Variants in PSPC1 observed in about 807,000 individuals in gnomAD.
PSPC1 encodes the protein paraspeckle protein 1.
Under a neutral mutation model 51.6 loss-of-function variants are expected in PSPC1, and 14 were observed. The ratio of observed to expected loss-of-function variants is 0.27; its 90% confidence interval spans 0.18 to 0.42. The LOEUF (loss-of-function observed/expected upper bound fraction) is 0.42. Ranked by LOEUF, PSPC1 falls within the 10% of genes least tolerant of loss-of-function variation. PSPC1 has a pLI of 1.00. For missense variants in PSPC1, 406 were observed against 701.1 expected (o/e 0.58, Z 4.75); for synonymous variants, 193 against 231.9 (o/e 0.83, Z 1.53).
At chr13:19,772,594 T>A (rs749241049) in intron 1 of PSPC1, 51 bp from the exon 2 acceptor site, 24 of 1,525,908 alleles carry the variant, frequency 1.6e-5, no homozygotes, top group Non-Finnish European at 1.8e-5. Context: ...CAGAAAAAAT[T>A]CAAAACAGTG....
chr13:19,728,778 T>C (rs1262281907), intron 6 of PSPC1, among the ~76,000 whole-genome samples: 1 of 152,108 alleles, frequency 6.6e-6, no homozygotes, highest in Non-Finnish European at 1.5e-5. Context: ...TATAGAACAC[T>C]AGTCAGTGTT....
intron 6 of PSPC1, among the ~76,000 whole-genome samples, chr13:19,681,978 A>C (rs1268596387): frequency 6.6e-6 from 1 of 152,236 alleles, no homozygotes; most frequent in Non-Finnish European, 1.5e-5. Flanking sequence ...AGTATAAAGA[A>C]ATAGTGAAGA....
intron 3 of PSPC1, among the ~76,000 whole-genome samples, chr13:19,754,826 T>G (rs1593719446): frequency 6.6e-6 from 1 of 152,248 alleles, no homozygotes; most frequent in Non-Finnish European, 1.5e-5. Flanking sequence ...AACCTTGTAC[T>G]TCTAGTTCTC....
rs560114358 is a variant in PSPC1, at chr13:19,687,927, T to C, written c.1159-10104A>G. On this transcript the variant is annotated intron_variant and NMD_transcript_variant, in intron 6 of 7. Transcript: ENST00000471658. ...ATTTTAGATTTGTTTTCCAGTCTTG[T>C]TTTGGGTTCCTACCAGCTTTCTACA... Among the ~76,000 whole-genome samples the C allele has an allele frequency of 3.3e-5, 5 of 152,238 alleles. No homozygotes were observed. The South Asian group carries it at 1.0e-3, about 32-fold the overall frequency.
At position 19,680,084 on chromosome 13, in the gene PSPC1, G is replaced by T. The variant is rs532625083; in HGVS notation, c.1159-2261C>A. ...GGCTACAATACAGTGGGGTGTTCTCGACTCACTGCAACCTTCACCTCCCAG... is the reference window on the plus strand; with the variant it reads ...GGCTACAATACAGTGGGGTGTTCTCTACTCACTGCAACCTTCACCTCCCAG... On this transcript the variant is annotated intron_variant and NMD_transcript_variant, in intron 6 of 7. Transcript: ENST00000471658. Among the ~76,000 whole-genome samples, 9 of 152,164 alleles carry T rather than the reference G, an allele frequency of 5.9e-5. No homozygotes were observed. The East Asian group carries it at 1.5e-3, about 26-fold the overall frequency.
intron 3 of PSPC1, among the ~76,000 whole-genome samples, chr13:19,758,421 A>G (rs1398357938): frequency 6.6e-6 from 1 of 152,052 alleles, no homozygotes; most frequent in African/African-American, 2.4e-5. Flanking sequence ...ATTTTTTGCA[A>G]CCTCTAAGAG....
At chr13:19,707,774 A>G (rs1880888798) in intron 7 of PSPC1, among the ~76,000 whole-genome samples, 2 of 152,192 alleles carry the variant, frequency 1.3e-5, no homozygotes, top group Admixed American at 6.5e-5. Flanking sequence ...TTTAAGTTTT[A>G]TACTATTTTA....
intron 7 of PSPC1, among the ~76,000 whole-genome samples, chr13:19,676,511 T>C (rs1321730419): frequency 6.6e-6 from 1 of 152,048 alleles, no homozygotes; most frequent in Non-Finnish European, 1.5e-5. Context: ...AACTACAGAA[T>C]ACATCAGTGC....
intron 1 of PSPC1, among the ~76,000 whole-genome samples, chr13:19,776,087 T>A (rs1445864782): frequency 1.3e-5 from 2 of 151,792 alleles, no homozygotes; most frequent in South Asian, 2.1e-4. Context: ...TAGGAAGAAA[T>A]ATGAAGACAT....
Position 19,754,586 on chromosome 13 carries a change from C to T in PSPC1, c.771-3119G>A, listed in dbSNP as rs1429610346. 6.6e-5 allele frequency among the ~76,000 whole-genome samples: 10 copies of T among 151,244 alleles called. No homozygotes were observed. The East Asian group carries it at 2.0e-3, about 30-fold the overall frequency. ...TCCCGAATAGCTGGGATTACAGGTG[C>T]ACGCCACCACGTCTGGCTAATTTTT... On this transcript the variant is annotated intron_variant, in intron 3 of 8. Transcript: ENST00000338910.
chr13:19,730,580 A>G (rs992155024), intron 5 of PSPC1, among the ~76,000 whole-genome samples: 8 of 152,138 alleles, frequency 5.3e-5, no homozygotes, highest in Non-Finnish European at 7.3e-5. Flanking sequence ...ACAAAGTAAA[A>G]TCATAACTAG....
At chr13:19,682,152 C>A (rs1877338085) in intron 6 of PSPC1, among the ~76,000 whole-genome samples, 1 of 152,030 alleles carries the variant, frequency 6.6e-6, no homozygotes, top group African/African-American at 2.4e-5. Context: ...AATAGATGAA[C>A]AAATTATTTA....
rs1004532106 is a variant in PSPC1 at position 19,773,657 on chromosome 13, T to G, written c.373-1114A>C. ...AAACTGTTAGTTCTTGGGTTTTTTTTTCAGGGGAGGGAGGTGTCTGAGACA... is the reference window on the plus strand; with the variant it reads ...AAACTGTTAGTTCTTGGGTTTTTTTGTCAGGGGAGGGAGGTGTCTGAGACA... On this transcript the variant is annotated intron_variant, in intron 1 of 8. Coordinates refer to ENST00000338910, the MANE Select transcript of PSPC1 (RefSeq NM_001354909.2). 2.6e-5 allele frequency among the ~76,000 whole-genome samples: 4 copies of G among 152,078 alleles called. No individual in the cohort carries two copies. In the East Asian group the frequency reaches 7.7e-4, roughly 29 times the overall value.
chr13:19,678,059 C>G (rs1357505322), intron 6 of PSPC1: 1 of 335,580 alleles, frequency 3.0e-6, no homozygotes, highest in Non-Finnish European at 5.9e-6. Context: ...TTATCTTCTA[C>G]AGTAAACAGT....
intron 1 of PSPC1, among the ~76,000 whole-genome samples, chr13:19,781,142 T>A (rs1366222897): frequency 7.6e-6 from 1 of 132,296 alleles, no homozygotes; most frequent in Non-Finnish European, 1.6e-5. Context: ...CGAGACCCAG[T>A]CTCAAAAAAA....
In PSPC1 at chr13:19,758,654, G is replaced by A. The variant is rs148453495; in HGVS notation, c.770+669C>T. Among the ~76,000 whole-genome samples, 1,480 of 151,874 alleles carry A rather than the reference G, an allele frequency of 9.7e-3. 21 individuals carry two copies. The highest frequency in any genetic ancestry group is 0.034 in the African/African-American group (1,406 of 41,422). ...TTGAGACCAGCCTGGCCAACATGGC[G>A]AAACCCCATCTCTACTGAAAACACA... On this transcript the variant is annotated intron_variant, in intron 3 of 8. Transcript: ENST00000338910.
intron 4 of PSPC1, among the ~76,000 whole-genome samples, chr13:19,742,936 G>A (rs1353050786): frequency 6.6e-6 from 1 of 152,030 alleles, no homozygotes; most frequent in Non-Finnish European, 1.5e-5. Context: ...GAAGAGTGAG[G>A]AGACAATTCT....
intron 4 of PSPC1, among the ~76,000 whole-genome samples, chr13:19,744,122 T>A (rs1395558262): frequency 6.6e-6 from 1 of 151,872 alleles, no homozygotes; most frequent in Admixed American, 6.6e-5. Context: ...AACAAAAAAA[T>A]TACTTAAATA....
chr13:19,730,327 C>T lies in PSPC1; in HGVS notation c.1070G>A (p.Arg357Gln), dbSNP rs202174707. ...QIQLRHEEEH[R>Q]RREEEMIRHR... is the part of the protein sequence containing the mutation. ...TCGGATCATTTCTTCCTCACGCCGC[C>T]GATGCTCCTCTTCATGTCTGAAAAT... Residue 357 changes from arginine to glutamine, a missense_variant, in exon 6 of 9, where the codon CGG (arginine) becomes CAG (glutamine). By Grantham distance (43) the Arg-to-Gln change is conservative (BLOSUM62 1). Around this residue, in one of 5 missense-constraint regions of PSPC1, gnomAD observed 61 missense variants for 78.4 expected, o/e 0.78. Transcript: ENST00000338910. 5 of 1,613,824 alleles carry T rather than the reference C, an allele frequency of 3.1e-6. No homozygotes were observed. Among genetic ancestry groups the T allele is most frequent in the Middle Eastern group, 1.7e-4 (1 of 6,060 alleles).
Sources: gnomAD v4.1 joint callset for allele counts (sites outside exome capture counted in the v4.1 genomes callset) on GRCh38, gnomAD v4.1.1 for gene constraint, gnomAD v4.1.1 regional missense constraint, MANE v1.5 for transcripts, NCBI Gene and HGNC (gene_info 2026-07-23, HGNC 2026-07-21) for gene names.